Variants in PSD2 observed in about 807,000 individuals in gnomAD.
PSD2 encodes the protein pleckstrin and Sec7 domain containing 2.
Under a neutral mutation model 69.8 loss-of-function variants are expected in PSD2, and 38 were observed. The observed-to-expected ratio is 0.54, with a 90% CI of 0.42 to 0.71. The LOEUF is 0.71. PSD2 is among the 30% of genes least tolerant of loss of function. PSD2 has a pLI of 0.00. For missense variants in PSD2, 943 were observed against 1,014.5 expected, an observed-to-expected ratio of 0.93 and a Z score of 0.96; for synonymous variants, 412 against 423.0, an observed-to-expected ratio of 0.97 and a Z score of 0.32.
intron 5 of PSD2, among the ~76,000 whole-genome samples, chr5:139,818,595 A>T (rs923995823): frequency 6.6e-6 from 1 of 152,128 alleles, no homozygotes; most frequent in African/African-American, 2.4e-5. Flanking sequence ...AGTAATTTCC[A>T]TTCTTTTTTC....
chr5:139,748,162 G>C, the PSD2 span, among the ~76,000 whole-genome samples: 3 of 152,000 alleles, frequency 2.0e-5, no homozygotes, highest in Admixed American at 2.0e-4. Context: ...CTCGGCATTT[G>C]GATCTGAGCT....
chr5:139,762,060 T>G, the PSD2 span, among the ~76,000 whole-genome samples: 1 of 152,234 alleles, frequency 6.6e-6, no homozygotes, highest in Non-Finnish European at 1.5e-5. Context: ...TATCTTTTTT[T>G]TGAGACGGAG....
chr5:139,806,517 G>A (rs985366663), intron 1 of PSD2, among the ~76,000 whole-genome samples: 3 of 152,212 alleles, frequency 2.0e-5, no homozygotes, highest in Non-Finnish European at 4.4e-5. Flanking sequence ...CAAATATGGC[G>A]GTAGAAAGGG....
chr5:139,792,704 TTCTC>T (rs892264121), upstream of PSD2, among the ~76,000 whole-genome samples: 5 of 151,880 alleles, frequency 3.3e-5, no homozygotes, highest in Non-Finnish European at 7.4e-5. Flanking sequence ...CTGTCTTTCT[TTCTC>T]TTTCTTTCTT....
At position 139,835,734 on chromosome 5, in the gene PSD2, C is replaced by A. The variant is rs774344493; in HGVS notation, c.1371C>A (p.Asn457Lys). 1 of 1,614,136 alleles carries A rather than the reference C, an allele frequency of 6.2e-7. No homozygotes were observed. The highest frequency in any genetic ancestry group is 8.5e-7 in the Non-Finnish European group (1 of 1,179,970). ...TTTCCCTCTCCCAGACCCTTTACAA[C>A]TCCATCAAGAATGAAAAGCTGGAAT... ...FAKDLLKTLY[N>K]SIKNEKLEWA... Residue 457 changes from asparagine to lysine, a missense_variant, in exon 9 of 15, where the codon AAC becomes AAA. Physicochemically the swap from Asn to Lys is moderately conservative, Grantham distance 94. Coordinates refer to ENST00000274710, the MANE Select transcript of PSD2 (RefSeq NM_032289.4).
At position 139,842,631 on chromosome 5, in the gene PSD2, T is replaced by C; in HGVS notation, c.*157T>C. ...TGGGCCCAGGAGATGGAGATGCCGT[T>C]TGTGGCGTTGATCTCCTTGCGTCCT... On this transcript the variant is annotated 3_prime_UTR_variant, in exon 15 of 15. Transcript: ENST00000274710. 1 of 649,378 alleles carries C rather than the reference T, an allele frequency of 1.5e-6. No homozygotes were observed. The highest frequency in any genetic ancestry group is 2.7e-6 in the Non-Finnish European group (1 of 377,062). 40.2% of individuals were successfully genotyped at this position (649,378 alleles called of 1,614,324 possible).
intron 9 of PSD2, 63 bp downstream of exon 9, chr5:139,835,829 G>T: frequency 6.6e-7 from 1 of 1,509,586 alleles, no homozygotes; most frequent in South Asian, 1.1e-5. Flanking sequence ...GAGTGTGGGG[G>T]TGCAGGTCCG....
chr5:139,830,374 A>G (rs1191246074), intron 7 of PSD2, among the ~76,000 whole-genome samples: 1 of 128,044 alleles, frequency 7.8e-6, no homozygotes, highest in African/African-American at 3.0e-5. Context: ...TCCTTTTGAG[A>G]CAGCGTCTCT....
chr5:139,800,836 C>T (rs538171123), intron 1 of PSD2, among the ~76,000 whole-genome samples: 9 of 152,300 alleles, frequency 5.9e-5, no homozygotes, highest in East Asian at 1.9e-4. Context: ...GCAGGGCCCC[C>T]GCCTGCATCA....
At chr5:139,770,750 A>T in the PSD2 span, among the ~76,000 whole-genome samples, 2 of 152,224 alleles carry the variant, frequency 1.3e-5, no homozygotes, top group Admixed American at 6.5e-5. Context: ...CATAAGCTAA[A>T]AGCAGAGCAT....
rs1483336524 is a variant in PSD2 at position 139,839,568 on chromosome 5, GT to G, written c.1969-458del. Among the ~76,000 whole-genome samples the G allele has an allele frequency of 1.3e-5, 2 of 152,224 alleles. No individual in the cohort carries two copies. The highest frequency in any genetic ancestry group is 2.1e-4 in the South Asian group (1 of 4,834). On this transcript the variant is annotated intron_variant, in intron 13 of 14. Transcript: ENST00000274710. This position sits in a 1 kb window ranked among gnomAD's most constrained non-coding sequence, Gnocchi z 5.1. ...CGCCTGTCTTTGGGTGTGATCCTGG[GT>G]CTGCAACCATTACGTGTATCTGCGC... is the stretch of plus-strand genomic sequence containing the variant.
chr5:139,766,952 T>TCTTTCTTTCTTTCTTTCTTTCTTC, the PSD2 span, among the ~76,000 whole-genome samples: 7 of 132,970 alleles, frequency 5.3e-5, 1 homozygote, highest in South Asian at 7.8e-4. Context: ...TTTCTTTCTT[T>TCTTTCTTTCTTTCTTTCTTTCTTC]CTTTCTTTCT....
At chr5:139,792,990 C>T (rs1759446665), upstream of PSD2, among the ~76,000 whole-genome samples, 1 of 151,060 alleles carries the variant, frequency 6.6e-6, no homozygotes, top group Non-Finnish European at 1.5e-5. Flanking sequence ...CTCTGTTGCC[C>T]AGGCTGGAAT....
At chr5:139,783,197 G>A in the PSD2 span, among the ~76,000 whole-genome samples, 1 of 152,212 alleles carries the variant, frequency 6.6e-6, no homozygotes, top group East Asian at 1.9e-4. Flanking sequence ...CACTTTGGGA[G>A]GCGGAGGTGG....
At chr5:139,784,450 A>G in the PSD2 span, among the ~76,000 whole-genome samples, 1 of 152,078 alleles carries the variant, frequency 6.6e-6, no homozygotes, top group Non-Finnish European at 1.5e-5. Flanking sequence ...TCTCCAATCT[A>G]TCTCTAACAC....
intron 1 of PSD2, among the ~76,000 whole-genome samples, chr5:139,797,448 G>C (rs547539428): frequency 1.8e-4 from 27 of 152,308 alleles, no homozygotes; most frequent in Admixed American, 1.6e-3. Flanking sequence ...CAATGCTTGG[G>C]TGAATTGCAC....
rs760257172 is a variant in PSD2, at chr5:139,822,739, G to A, written c.1224G>A (p.Thr408=). The A allele has an allele frequency of 1.9e-5, 30 of 1,610,356 alleles. No homozygotes were observed. The highest frequency in any genetic ancestry group is 1.6e-4 in the Middle Eastern group (1 of 6,070). The part of the protein sequence containing the change: ...DDSTSEDGIH[T]LTCALMLLNT... ...TCTCTGACTCAGATGGGATCCACACGCTCACCTGTGCCCTGATGCTGCTCA... is the reference window on the plus strand; with the variant it reads ...TCTCTGACTCAGATGGGATCCACACACTCACCTGTGCCCTGATGCTGCTCA... The change falls in exon 7 of 15, where the codon ACG becomes ACA. Residue 408 remains threonine, a synonymous_variant. Transcript: ENST00000274710.
At chr5:139,753,011 C>T in the PSD2 span, among the ~76,000 whole-genome samples, 3 of 152,110 alleles carry the variant, frequency 2.0e-5, no homozygotes, top group Non-Finnish European at 2.9e-5. Context: ...TCCTTGCCAC[C>T]AGCTCCTGTC....
At chr5:139,780,474 C>T in the PSD2 span, among the ~76,000 whole-genome samples, 89 of 152,208 alleles carry the variant, frequency 5.8e-4, no homozygotes, top group Middle Eastern at 0.01. Context: ...GACATTGTCT[C>T]GCTCTATTGC....
Sources: gnomAD v4.1 joint callset for allele counts (sites outside exome capture counted in the v4.1 genomes callset) on GRCh38, gnomAD v4.1.1 for gene constraint, Gnocchi (gnomAD v3.1) non-coding constraint, MANE v1.5 for transcripts, NCBI Gene and HGNC (gene_info 2026-07-23, HGNC 2026-07-21) for gene names.